GRIA3: variants seen among roughly 807,000 people sequenced by gnomAD.
GRIA3 encodes the protein glutamate ionotropic receptor AMPA type subunit 3, also known as glutamate receptor 3.
Under a neutral mutation model 63.0 loss-of-function variants are expected in GRIA3, and 3 were observed. The ratio of observed to expected loss-of-function variants is 0.05; its 90% CI spans 0.02 to 0.12. The LOEUF is 0.12. GRIA3 is among the 10% of genes least tolerant of loss of function. GRIA3 has a pLI of 1.00. For missense variants in GRIA3, 347 were observed against 700.9 expected (o/e 0.50, Z 5.70); for synonymous variants, 274 against 257.9 (o/e 1.06, Z -0.60).
chrX:123,409,034 G>A (rs1261326515), intron 10 of GRIA3, among the ~76,000 whole-genome samples: 1 of 111,724 alleles, frequency 9.0e-6, no homozygotes, highest in African/African-American at 3.3e-5. Context: ...GAAAACACAG[G>A]CTTTCATTTC....
At chrX:123,311,407 G>A (rs1236144997) in intron 3 of GRIA3, among the ~76,000 whole-genome samples, 3 of 111,572 alleles carry the variant, frequency 2.7e-5, no homozygotes, top group African/African-American at 9.8e-5. Flanking sequence ...CAGAATAGCT[G>A]GTACTAATTA....
At chrX:123,394,860 A>C in intron 5 of GRIA3, 108 bp from the exon 6 acceptor site, 1 of 578,429 alleles carries the variant, frequency 1.7e-6, no homozygotes, top group African/African-American at 2.2e-5. Context: ...GATTGCTAAT[A>C]AATGATCCTA....
intron 11 of GRIA3, among the ~76,000 whole-genome samples, chrX:123,425,643 T>C (rs1293767283): frequency 8.9e-6 from 1 of 112,094 alleles, no homozygotes; most frequent in East Asian, 2.8e-4. Flanking sequence ...CACATTCTTT[T>C]CTGACTCATC....
At chrX:123,234,879 A>G (rs2044294243) in intron 2 of GRIA3, among the ~76,000 whole-genome samples, 1 of 111,860 alleles carries the variant, frequency 8.9e-6, no homozygotes, top group Non-Finnish European at 1.9e-5. Context: ...AAGCTCAAAT[A>G]GCACATATGC....
chrX:123,447,947 T>A (rs1020390539), intron 12 of GRIA3, among the ~76,000 whole-genome samples: 4 of 112,213 alleles, frequency 3.6e-5, no homozygotes, highest in Non-Finnish European at 7.5e-5. Flanking sequence ...GGCTGCTCAC[T>A]CCTTTTGGAA....
intron 2 of GRIA3, among the ~76,000 whole-genome samples, chrX:123,226,346 C>T (rs1248562724): frequency 8.9e-6 from 1 of 112,019 alleles, no homozygotes; most frequent in Non-Finnish European, 1.9e-5. Flanking sequence ...CATTGGCCTA[C>T]ATTTTTTCAA....
chrX:123,268,906 T>C (rs1014301061), intron 3 of GRIA3, among the ~76,000 whole-genome samples: 1 of 112,530 alleles, frequency 8.9e-6, no homozygotes, highest in African/African-American at 3.2e-5. Flanking sequence ...TGATGTAAGC[T>C]AAAATCAAAA....
At chrX:123,417,345 T>G (rs999763836) in intron 10 of GRIA3, 57 bp from the exon 11 acceptor site, 2 of 997,673 alleles carry the variant, frequency 2.0e-6, no homozygotes, top group Non-Finnish European at 2.8e-6. Flanking sequence ...GACAAATAAC[T>G]GATTAAAGAC....
At chrX:123,449,287 T>C (rs971636385) in intron 12 of GRIA3, among the ~76,000 whole-genome samples, 10 of 112,411 alleles carry the variant, frequency 8.9e-5, no homozygotes, top group African/African-American at 2.9e-4. Context: ...TGTTTGCATA[T>C]GGCTATCAGA....
chrX:123,427,772 G>T (rs1176438064), intron 11 of GRIA3, among the ~76,000 whole-genome samples, 169 bp from the exon 12 acceptor site: 1 of 111,454 alleles, frequency 9.0e-6, no homozygotes, highest in Non-Finnish European at 1.9e-5. Flanking sequence ...ATGGGGTATT[G>T]TTGTTAACAT....
At position 123,315,404 on chromosome X, in the gene GRIA3, C is replaced by A. The variant is rs755124863; in HGVS notation, c.509-10622C>A. Among the ~76,000 whole-genome samples the A allele has an allele frequency of 1.7e-4, 19 of 111,864 alleles. No individual in the cohort carries two copies. The South Asian group carries it at 6.8e-3, about 40-fold the overall frequency. On this transcript the variant is annotated intron_variant, in intron 3 of 15. Transcript: ENST00000620443. ...CAGAACAGTTTCTGTATTAGCGTCT[C>A]AAATTTAGACAATCACTATATTGAT... is the stretch of plus-strand genomic sequence containing the variant.
At chrX:123,320,815 G>A (rs1229636024) in intron 3 of GRIA3, among the ~76,000 whole-genome samples, 4 of 111,421 alleles carry the variant, frequency 3.6e-5, no homozygotes, top group Non-Finnish European at 7.5e-5. Flanking sequence ...TTTACCCTAG[G>A]TGCTTCACCT....
At chrX:123,454,502 A>C (rs1294202149) in intron 12 of GRIA3, among the ~76,000 whole-genome samples, 3 of 111,225 alleles carry the variant, frequency 2.7e-5, no homozygotes, top group Non-Finnish European at 5.7e-5. Context: ...CATATAGCAG[A>C]GTTTCTCAAC....
chrX:123,247,362 C>T (rs1037947898), intron 2 of GRIA3, among the ~76,000 whole-genome samples: 4 of 111,485 alleles, frequency 3.6e-5, no homozygotes, highest in African/African-American at 1.3e-4. Flanking sequence ...TAACAATACC[C>T]GTCTCGACCC....
chrX:123,481,125 C>A (rs1158517257), intron 14 of GRIA3, among the ~76,000 whole-genome samples: 1 of 111,626 alleles, frequency 9.0e-6, no homozygotes, highest in Non-Finnish European at 1.9e-5. Context: ...CTTCTTGTCA[C>A]AGCTTACATG....
chrX:123,261,619 T>C (rs1316535975), intron 3 of GRIA3, among the ~76,000 whole-genome samples: 1 of 111,471 alleles, frequency 9.0e-6, no homozygotes, highest in Non-Finnish European at 1.9e-5. Context: ...TCAGGAGATG[T>C]GCATTGAGTA....
chrX:123,353,020 TACACACACAC>T (rs556926418), intron 4 of GRIA3, among the ~76,000 whole-genome samples: 4 of 87,768 alleles, frequency 4.6e-5, no homozygotes, highest in African/African-American at 1.7e-4. Context: ...CTCTCTCTCA[TACACACACAC>T]ACACACACAC....
At chrX:123,385,837 A>C (rs1271991723) in intron 5 of GRIA3, among the ~76,000 whole-genome samples, 2 of 111,902 alleles carry the variant, frequency 1.8e-5, no homozygotes, top group African/African-American at 3.2e-5. Context: ...TTCATTGATG[A>C]ACACACTTAG....
At chrX:123,235,690 T>A (rs1013091463) in intron 2 of GRIA3, among the ~76,000 whole-genome samples, 7 of 111,829 alleles carry the variant, frequency 6.3e-5, no homozygotes, top group African/African-American at 2.3e-4. Flanking sequence ...TGTTCAATTA[T>A]TTTTTGCACC....
Sources: gnomAD v4.1 joint callset for allele counts (sites outside exome capture counted in the v4.1 genomes callset) on GRCh38, gnomAD v4.1.1 for gene constraint, MANE v1.5 for transcripts, NCBI Gene and HGNC (gene_info 2026-07-23, HGNC 2026-07-21) for gene names.